Variants in PPME1 observed in about 807,000 individuals in gnomAD.
The protein encoded by PPME1 is testicular secretory protein Li 39.
In PPME1, 17 loss-of-function variants were observed where a neutral mutation model predicts 56.9. The observed-to-expected ratio is 0.30, with a 90% CI of 0.20 to 0.45. The LOEUF (loss-of-function observed/expected upper bound fraction) is 0.45. Ranked by LOEUF, PPME1 falls within the 20% of genes least tolerant of loss-of-function variation. The pLI is 1.00. For synonymous variants in PPME1, 122 were observed against 156.2 expected, an observed-to-expected ratio of 0.78 and a Z score of 1.63; for missense variants, 357 against 483.2, an observed-to-expected ratio of 0.74 and a Z score of 2.45.
In PPME1 at chr11:74,171,467, C is replaced by A; in HGVS notation, c.46C>A (p.Arg16Ser). ...CATGCACCTCGGCCGCCTTCCCTCT[C>A]GCCCACCTCTACCCGGCAGCGGGGG... ...KSMHLGRLPSRPPLPGSGGSQ... is the reference protein window; with the variant it reads ...KSMHLGRLPSSPPLPGSGGSQ... Residue 16 changes from arginine (R) to serine (S), a missense_variant, in exon 1 of 14, where the codon CGC (arginine) becomes AGC (serine). Arg to Ser is a moderately radical substitution (Grantham distance 110, BLOSUM62 -1). Around this residue, in one of 2 missense-constraint regions of PPME1, gnomAD observed 175 missense variants for 189.4 expected, o/e 0.92. Coordinates refer to ENST00000328257, the MANE Select transcript of PPME1 (RefSeq NM_016147.3). 1 of 1,613,468 alleles carries A rather than the reference C, an allele frequency of 6.2e-7. No homozygotes were observed.
At chr11:74,184,404 G>T (rs575299023) in intron 1 of PPME1, among the ~76,000 whole-genome samples, 1 of 152,258 alleles carries the variant, frequency 6.6e-6, no homozygotes, top group African/African-American at 2.4e-5. Flanking sequence ...TTATAACACT[G>T]TTGGGAGAAA....
At chr11:74,177,652 GT>G (rs1208850378) in intron 1 of PPME1, among the ~76,000 whole-genome samples, 1 of 151,846 alleles carries the variant, frequency 6.6e-6, no homozygotes, top group Non-Finnish European at 1.5e-5. Context: ...GGTTCCTCTT[GT>G]TTTTTTCTCA....
chr11:74,190,410 G>A (rs190779173), intron 1 of PPME1, among the ~76,000 whole-genome samples: 221 of 152,248 alleles, frequency 1.5e-3, no homozygotes, highest in Admixed American at 2.4e-3. Flanking sequence ...CCTGCTGTCG[G>A]CTCCCACTCT....
chr11:74,210,078 G>C (rs1294082657), intron 3 of PPME1, among the ~76,000 whole-genome samples: 1 of 152,060 alleles, frequency 6.6e-6, no homozygotes. Context: ...ACATACATAC[G>C]TAAATATTCA....
intron 1 of PPME1, among the ~76,000 whole-genome samples, chr11:74,186,777 C>G (rs1274354096): frequency 6.6e-6 from 1 of 152,144 alleles, no homozygotes; most frequent in African/African-American, 2.4e-5. Context: ...AATGAAAGTG[C>G]AAGCTAATCC....
chr11:74,237,025 T>C (rs896147696), intron 8 of PPME1, among the ~76,000 whole-genome samples: 30 of 149,658 alleles, frequency 2.0e-4, no homozygotes, highest in African/African-American at 7.0e-4. Context: ...GTTCCACTTC[T>C]GTCTCCCTCT....
intron 7 of PPME1, among the ~76,000 whole-genome samples, chr11:74,234,600 T>C (rs1413839580): frequency 6.6e-6 from 1 of 152,134 alleles, no homozygotes; most frequent in African/African-American, 2.4e-5. Flanking sequence ...GAAATGACCA[T>C]TGGAATTGGC....
intron 3 of PPME1, among the ~76,000 whole-genome samples, chr11:74,219,004 C>G (rs1434017310): frequency 6.6e-6 from 1 of 151,888 alleles, no homozygotes; most frequent in Non-Finnish European, 1.5e-5. Context: ...GGATTAATAA[C>G]CAGAATATAT....
chr11:74,240,835 A>T (rs1859338169), intron 9 of PPME1, among the ~76,000 whole-genome samples: 1 of 152,174 alleles, frequency 6.6e-6, no homozygotes, highest in Admixed American at 6.5e-5. Context: ...TCTTAATATA[A>T]TCAATTGCTT....
intron 11 of PPME1, 164 bp from the exon 12 acceptor site, chr11:74,250,790 T>C (rs2135684246): frequency 6.6e-6 from 4 of 607,654 alleles, no homozygotes; most frequent in South Asian, 6.2e-5. Flanking sequence ...AGGTTACAAT[T>C]ACTTGTATTA....
chr11:74,196,721 C>G (rs966097662), intron 1 of PPME1, among the ~76,000 whole-genome samples: 7 of 152,176 alleles, frequency 4.6e-5, no homozygotes, highest in African/African-American at 1.4e-4. Flanking sequence ...AACATATCCA[C>G]TCTAAGTATA....
intron 8 of PPME1, 25 bp downstream of exon 8, chr11:74,235,991 T>G: frequency 6.2e-7 from 1 of 1,608,368 alleles, no homozygotes; most frequent in Non-Finnish European, 8.5e-7. Context: ...TCCCCCTTGG[T>G]CTGGTTAGAG....
chr11:74,234,654 G>T (rs1859147702), intron 7 of PPME1, among the ~76,000 whole-genome samples: 1 of 152,162 alleles, frequency 6.6e-6, no homozygotes, highest in African/African-American at 2.4e-5. Context: ...GAAAATAAAT[G>T]GGATATAAAA....
chr11:74,251,694 A>G lies in PPME1; in HGVS notation c.1121A>G (p.Glu374Gly), dbSNP rs1347442378. 3 of 1,613,988 alleles carry G rather than the reference A, an allele frequency of 1.9e-6. No individual in the cohort carries two copies. Among genetic ancestry groups the G allele is most frequent in the Admixed American group, 3.3e-5 (2 of 60,030 alleles). The change falls in exon 13 of 14, where the codon GAA becomes GGA. Residue 374 changes from glutamate (E) to glycine (G), a missense_variant. By Grantham distance (98) the Glu-to-Gly change is moderately conservative (BLOSUM62 -2). Around this residue, in one of 2 missense-constraint regions of PPME1, gnomAD observed 182 missense variants for 293.8 expected, o/e 0.62. Transcript: ENST00000328257. ...TTCCTGATCCGGCACAGGTTTGCAG[A>G]ACCCATCGGTGGATTCCAGTGGTAA... The part of the protein sequence containing the change: ...ATFLIRHRFA[E>G]PIGGFQCVFP...
intron 3 of PPME1, chr11:74,205,824 T>C (rs1174869428): frequency 6.6e-6 from 1 of 152,198 alleles, no homozygotes; most frequent in Non-Finnish European, 1.5e-5. Context: ...GTCATGTCTC[T>C]GGACCAGTAC....
Position 74,178,760 on chromosome 11 carries a change from C to CT in PPME1, c.101+7239dup, listed in dbSNP as rs34776280. Among the ~76,000 whole-genome samples the CT allele has an allele frequency of 3.1e-3, 472 of 152,260 alleles. 1 individual carries two copies. The highest frequency in any genetic ancestry group is 0.011 in the African/African-American group (451 of 41,554). ...CCATTGTTGCTTATTGCCAGCAAAT[C>CT]TATTTCTTCTTAGTATCTCCAAAAT... On this transcript the variant is annotated intron_variant, in intron 1 of 13. Coordinates refer to ENST00000328257, the MANE Select transcript of PPME1 (RefSeq NM_016147.3).
intron 11 of PPME1, chr11:74,249,095 A>C (rs540736115): frequency 6.6e-6 from 1 of 152,332 alleles, no homozygotes; most frequent in East Asian, 1.9e-4. Context: ...TCCTTATGAG[A>C]TGTCCTCCTG....
chr11:74,186,926 A>G (rs1857698465), intron 1 of PPME1, among the ~76,000 whole-genome samples: 1 of 152,176 alleles, frequency 6.6e-6, no homozygotes, highest in Admixed American at 6.5e-5. Flanking sequence ...ATTTTTATGT[A>G]TGATATGAGG....
At chr11:74,195,932 A>G (rs1327082863) in intron 1 of PPME1, among the ~76,000 whole-genome samples, 1 of 152,246 alleles carries the variant, frequency 6.6e-6, no homozygotes, top group Non-Finnish European at 1.5e-5. Flanking sequence ...AAACAAAATT[A>G]AAAAGACAAT....
Sources: gnomAD v4.1 joint callset for allele counts (sites outside exome capture counted in the v4.1 genomes callset) on GRCh38, gnomAD v4.1.1 for gene constraint, gnomAD v4.1.1 regional missense constraint, MANE v1.5 for transcripts, NCBI Gene and HGNC (gene_info 2026-07-23, HGNC 2026-07-21) for gene names.